The following BIN1 variants were observed in gnomAD, a reference collection of about 807,000 sequenced individuals.
BIN1 encodes bridging integrator 1.
In BIN1, 53 loss-of-function variants were observed where a neutral mutation model predicts 82.0. That is an observed-to-expected ratio of 0.65 (90% CI 0.52 to 0.81). The LOEUF (loss-of-function observed/expected upper bound fraction) is 0.81. Ranked by LOEUF, BIN1 falls within the 40% of genes least tolerant of loss-of-function variation. The probability of loss-of-function intolerance (pLI) is 0.00; values close to 1 mark genes in which losing one functional copy is unlikely to be tolerated. For synonymous variants in BIN1, 302 were observed against 328.0 expected (o/e 0.92, Z 0.86); for missense variants, 642 against 784.4 (o/e 0.82, Z 2.17).
intron 14 of BIN1, 74 bp from the exon 15 acceptor site, chr2:127,052,436 C>G (rs1573540970): frequency 7.3e-7 from 1 of 1,378,744 alleles, no homozygotes; most frequent in East Asian, 2.5e-5. Context: ...GGCAGGATCA[C>G]AAGACAAGAG....
chr2:127,070,819 G>T lies in BIN1; in HGVS notation c.166-3C>A. On this transcript the variant is annotated splice_polypyrimidine_tract_variant and splice_region_variant and intron_variant, in intron 2 of 18. Transcript: ENST00000316724. ...TTCTGCAGCCGGGTGCCCTCCGTCT[G>T]CAAAGAGAAGGACAAGGACCAGGTC... is the stretch of plus-strand genomic sequence containing the variant. The T allele has an allele frequency of 3.7e-6, 6 of 1,611,652 alleles. No homozygotes were observed. Among genetic ancestry groups the T allele is most frequent in the Non-Finnish European group, 5.1e-6 (6 of 1,179,718 alleles).
chr2:127,098,221 G>A (rs763514890), intron 1 of BIN1, among the ~76,000 whole-genome samples: 1 of 152,218 alleles, frequency 6.6e-6, no homozygotes, highest in South Asian at 2.1e-4. Flanking sequence ...AGGAGCCAGC[G>A]GGGATGCCCC....
Position 127,057,751 on chromosome 2 carries a change from T to G in BIN1, c.1003-150A>C, listed in dbSNP as rs1683894334. On this transcript the variant is annotated intron_variant, in intron 11 of 18. Transcript: ENST00000316724. The surrounding 1 kb of genome is among the most constrained non-coding windows in gnomAD (Gnocchi z 5.0). The stretch of plus-strand genomic sequence containing the variant: ...TGAGCAGGACGCAGCAAATGAAGAG[T>G]CACTGCCCTCCCAGCCCCCCAACAT... The G allele has an allele frequency of 1.0e-5, 10 of 1,000,676 alleles. No homozygotes were observed. Among genetic ancestry groups the G allele is most frequent in the Non-Finnish European group, 1.3e-5 (10 of 749,838 alleles). The allele number at this position is 1,000,676 out of a possible 1,614,324, so 62.0% of individuals were successfully genotyped here.
intron 1 of BIN1, among the ~76,000 whole-genome samples, chr2:127,089,707 A>G (rs1678667590): frequency 6.6e-6 from 1 of 152,020 alleles, no homozygotes; most frequent in Non-Finnish European, 1.5e-5. Flanking sequence ...TAGTCTGGGC[A>G]GCTGGCCAGG....
At chr2:127,076,099 C>A (rs1196701693) in intron 2 of BIN1, among the ~76,000 whole-genome samples, 2 of 152,064 alleles carry the variant, frequency 1.3e-5, no homozygotes, top group Non-Finnish European at 2.9e-5. Context: ...GCTCCCCAGC[C>A]CTCCCAGCTG....
chr2:127,088,641 G>A (rs554085021), intron 1 of BIN1, among the ~76,000 whole-genome samples: 1 of 152,108 alleles, frequency 6.6e-6, no homozygotes, highest in Admixed American at 6.5e-5. Context: ...GGGAGGCTAG[G>A]GCAGGAGGAT....
At chr2:127,078,685 G>C (rs1473044341) in intron 1 of BIN1, among the ~76,000 whole-genome samples, 1 of 152,198 alleles carries the variant, frequency 6.6e-6, no homozygotes, top group African/African-American at 2.4e-5. Flanking sequence ...CCCCACATGA[G>C]CAAGAAAATG....
chr2:127,077,874 G>A (rs928030142), intron 1 of BIN1, among the ~76,000 whole-genome samples: 14 of 152,160 alleles, frequency 9.2e-5, no homozygotes, highest in South Asian at 4.1e-4. Context: ...CAGTGGGCAA[G>A]ACCTCACAAG....
chr2:127,070,441 C>A (rs1340413442), intron 4 of BIN1, 112 bp downstream of exon 4: 5 of 1,330,656 alleles, frequency 3.8e-6, no homozygotes, highest in South Asian at 1.2e-5. Context: ...GCACACAGCA[C>A]GCGAATGCCC....
At chr2:127,073,233 C>G (rs562641705) in intron 2 of BIN1, among the ~76,000 whole-genome samples, 1 of 152,232 alleles carries the variant, frequency 6.6e-6, no homozygotes, top group African/African-American at 2.4e-5. Context: ...AGGGTAGACA[C>G]AGCCCTCCCC....
At chr2:127,077,919 G>A (rs1281570669) in intron 1 of BIN1, among the ~76,000 whole-genome samples, 2 of 152,214 alleles carry the variant, frequency 1.3e-5, no homozygotes, top group Non-Finnish European at 2.9e-5. Flanking sequence ...GATGGGAGTG[G>A]AAAGCAAAGG....
intron 1 of BIN1, chr2:127,081,934 A>C (rs1687347241): frequency 1.6e-6 from 2 of 1,255,676 alleles, no homozygotes; most frequent in South Asian, 2.6e-5. Context: ...GTCGGGGGCC[A>C]CGGAGGCAGG....
At chr2:127,072,311 C>T (rs2105092678) in intron 2 of BIN1, among the ~76,000 whole-genome samples, 1 of 152,332 alleles carries the variant, frequency 6.6e-6, no homozygotes, top group Non-Finnish European at 1.5e-5. Context: ...GGCTGCTCTT[C>T]CTGCCCTGGT....
intron 11 of BIN1, among the ~76,000 whole-genome samples, chr2:127,058,780 G>A (rs896242351): frequency 1.3e-5 from 2 of 152,118 alleles, no homozygotes; most frequent in Non-Finnish European, 2.9e-5. Flanking sequence ...GCTGCAGTGG[G>A]GGTGGGGGCT....
intron 12 of BIN1, 24 bp from the exon 13 acceptor site, chr2:127,054,036 A>C (rs1202149764): frequency 4.5e-6 from 7 of 1,544,308 alleles, no homozygotes; most frequent in Non-Finnish European, 6.1e-6. Flanking sequence ...GCAGCAGCAG[A>C]GGAGGAAGCA....
intron 1 of BIN1, among the ~76,000 whole-genome samples, chr2:127,085,027 C>G (rs1677943414): frequency 2.0e-5 from 3 of 152,186 alleles, no homozygotes; most frequent in South Asian, 4.1e-4. Context: ...CTTGTTCTCC[C>G]TCCATCCCCC....
rs766515815 is a variant in BIN1, at chr2:127,048,223, T to C, written c.*303A>G. 164 of 421,610 alleles carry C rather than the reference T, an allele frequency of 3.9e-4. No individual in the cohort carries two copies. Among genetic ancestry groups the C allele is most frequent in the Non-Finnish European group, 6.8e-4 (154 of 225,536 alleles). The allele number at this position is 421,610 out of a possible 1,614,324, so 26.1% of individuals were successfully genotyped here. A position where few individuals can be genotyped will look rare whatever the true frequency, so the allele number is the denominator to read the frequency against. ...CGAAGCTTCAGGCAAGCATGGTGGC[T>C]CGGCAGCCCCCAGCCCCGCCCTGCG... is the stretch of plus-strand genomic sequence containing the variant. On this transcript the variant is annotated 3_prime_UTR_variant, in exon 19 of 19. Coordinates refer to ENST00000316724, the MANE Select transcript of BIN1 (RefSeq NM_139343.3).
At chr2:127,086,639 C>T (rs1678205506) in intron 1 of BIN1, among the ~76,000 whole-genome samples, 1 of 152,084 alleles carries the variant, frequency 6.6e-6, no homozygotes, top group African/African-American at 2.4e-5. Flanking sequence ...TCCAGAGTCG[C>T]TGGGACTACA....
chr2:127,107,056 G>A lies in BIN1; in HGVS notation c.-113C>T. On this transcript the variant is annotated 5_prime_UTR_variant, in exon 1 of 19. Transcript: ENST00000316724. This position sits in a 1 kb window ranked among gnomAD's most constrained non-coding sequence, Gnocchi z 5.9. ...GCGTCCAGACCGGCTGCCGCTCCAC[G>A]CCGCGCACCCGACAGCGGAGCCAAC... The A allele has an allele frequency of 1.8e-6, 2 of 1,111,586 alleles. No homozygotes were observed. Among genetic ancestry groups the A allele is most frequent in the Non-Finnish European group, 2.4e-6 (2 of 848,512 alleles). The allele number at this position is 1,111,586 out of a possible 1,614,324, so 68.9% of individuals were successfully genotyped here.
Sources: gnomAD v4.1 joint callset for allele counts (sites outside exome capture counted in the v4.1 genomes callset) on GRCh38, gnomAD v4.1.1 for gene constraint, Gnocchi (gnomAD v3.1) non-coding constraint, MANE v1.5 for transcripts, NCBI Gene and HGNC (gene_info 2026-07-23, HGNC 2026-07-21) for gene names.